Variants in SLC4A4 observed in about 807,000 individuals in gnomAD.
SLC4A4 encodes the protein solute carrier family 4 member 4.
SLC4A4 carries 27 observed loss-of-function variants against 111.5 expected under a neutral mutation model. The observed-to-expected ratio is 0.24, with a 90% CI of 0.18 to 0.33. SLC4A4 has a LOEUF of 0.33. Among genes scored for constraint, SLC4A4 ranks in the 10% least tolerant of loss-of-function variants. The pLI, the probability that SLC4A4 is intolerant of heterozygous loss-of-function variation, is 1.00. For missense variants in SLC4A4, 909 were observed against 1,315.5 expected (o/e 0.69, Z 4.78); for synonymous variants, 443 against 463.4 (o/e 0.96, Z 0.57).
intron 1 of SLC4A4, among the ~76,000 whole-genome samples, chr4:71,089,570 G>A (rs1048222593): frequency 6.6e-6 from 1 of 152,006 alleles, no homozygotes; most frequent in African/African-American, 2.4e-5. Flanking sequence ...TACAGATGGT[G>A]TTTTGGCGTG....
chr4:71,183,814 A>C (rs968506327), upstream of SLC4A4, among the ~76,000 whole-genome samples: 1 of 152,168 alleles, frequency 6.6e-6, no homozygotes, highest in African/African-American at 2.4e-5. Flanking sequence ...TGAACCACCT[A>C]TTTAAAAAGG....
intron 4 of SLC4A4, among the ~76,000 whole-genome samples, chr4:71,344,971 T>C (rs1346628942): frequency 6.6e-6 from 1 of 152,138 alleles, no homozygotes; most frequent in Non-Finnish European, 1.5e-5. Context: ...ACAGTAGTTA[T>C]ACTATGAACA....
chr4:71,497,759 A>C, intron 16 of SLC4A4, 67 bp downstream of exon 16: 1 of 1,296,564 alleles, frequency 7.7e-7, no homozygotes, highest in Non-Finnish European at 1.1e-6. Context: ...ACAACTTTAC[A>C]AGGTGAAAAA....
chr4:71,274,248 T>G (rs1293777697), intron 3 of SLC4A4, among the ~76,000 whole-genome samples: 1 of 152,138 alleles, frequency 6.6e-6, no homozygotes, highest in African/African-American at 2.4e-5. Context: ...TCACAAAGGT[T>G]TTCACTGTCG....
At chr4:71,105,835 G>A (rs1742900983) in intron 2 of SLC4A4, among the ~76,000 whole-genome samples, 1 of 68,664 alleles carries the variant, frequency 1.5e-5, no homozygotes, top group East Asian at 5.0e-4. Context: ...GAAAACCTAG[G>A]CATTACCATT....
At chr4:71,410,092 G>C (rs1198293288) in intron 7 of SLC4A4, among the ~76,000 whole-genome samples, 1 of 152,216 alleles carries the variant, frequency 6.6e-6, no homozygotes, top group African/African-American at 2.4e-5. Context: ...GTTTGCTGCA[G>C]GGGTGGGGCC....
At position 71,487,136 on chromosome 4, in the gene SLC4A4, G is replaced by T. The variant is rs566714080; in HGVS notation, c.1974+118G>T. On this transcript the variant is annotated intron_variant, in intron 15 of 25. Transcript: ENST00000264485. ...CAGCAATTCTGGCATGAACACATAC[G>T]TAACAATTATTGACAGTGGAGGGAC... The T allele has an allele frequency of 6.1e-5, 37 of 611,510 alleles. No homozygotes were observed. In the South Asian group the frequency reaches 7.0e-4, roughly 12 times the overall value. The allele number at this position is 611,510 out of a possible 1,614,324, so 37.9% of individuals were successfully genotyped here. A position where few individuals can be genotyped will look rare whatever the true frequency, so the allele number is the denominator to read the frequency against.
intron 8 of SLC4A4, among the ~76,000 whole-genome samples, chr4:71,447,384 G>A (rs1725332500): frequency 6.6e-6 from 1 of 152,160 alleles, no homozygotes; most frequent in Non-Finnish European, 1.5e-5. Context: ...CACTTGAAGT[G>A]CACCTTTCCT....
intron 6 of SLC4A4, 53 bp from the exon 7 acceptor site, chr4:71,397,524 C>G (rs182826084): frequency 1.2e-5 from 17 of 1,452,584 alleles, no homozygotes; most frequent in African/African-American, 1.4e-5. Context: ...CCACCAAAGT[C>G]TTTGTGTTAT....
rs1872596 is a variant in SLC4A4 at position 71,181,546 on chromosome 4, G to T, written c.-1-55030G>T. On this transcript the variant is annotated intron_variant, in intron 2 of 26. Transcript: ENST00000649996. ...CCCAATGTTATTGTGTAAGAAGAATGATGTCATAAGGAATTTGTGAAGCCT... is the reference window on the plus strand; with the variant it reads ...CCCAATGTTATTGTGTAAGAAGAATTATGTCATAAGGAATTTGTGAAGCCT... 2.5e-3 allele frequency among the ~76,000 whole-genome samples: 379 copies of T among 152,210 alleles called. 3 individuals carry two copies. Among genetic ancestry groups the T allele is most frequent in the African/African-American group, 8.5e-3 (355 of 41,536 alleles).
At chr4:71,282,025 T>C (rs1270379118) in intron 3 of SLC4A4, among the ~76,000 whole-genome samples, 2 of 152,034 alleles carry the variant, frequency 1.3e-5, no homozygotes, top group Non-Finnish European at 2.9e-5. Flanking sequence ...CAGTTTTTGT[T>C]CATGCATACA....
At chr4:71,514,676 T>C (rs911431237) in intron 16 of SLC4A4, among the ~76,000 whole-genome samples, 1 of 152,198 alleles carries the variant, frequency 6.6e-6, no homozygotes, top group Non-Finnish European at 1.5e-5. Flanking sequence ...TCACTACTAA[T>C]GATGGATCTT....
intron 16 of SLC4A4, among the ~76,000 whole-genome samples, chr4:71,509,938 G>A (rs1000408415): frequency 6.6e-6 from 1 of 152,104 alleles, no homozygotes; most frequent in African/African-American, 2.4e-5. Flanking sequence ...GTGGCTTCTG[G>A]GTCCCAGGAC....
intron 12 of SLC4A4, among the ~76,000 whole-genome samples, chr4:71,460,134 T>C (rs1481322514): frequency 6.6e-6 from 1 of 152,108 alleles, no homozygotes; most frequent in Non-Finnish European, 1.5e-5. Flanking sequence ...ATTTATGATT[T>C]CTTTTGCTGT....
chr4:71,492,610 T>C (rs1166452061), intron 15 of SLC4A4, among the ~76,000 whole-genome samples: 1 of 152,002 alleles, frequency 6.6e-6, no homozygotes, highest in Non-Finnish European at 1.5e-5. Flanking sequence ...TCTTTAAAAC[T>C]GAATGAAGCA....
chr4:71,113,167 C>A (rs919358226), intron 2 of SLC4A4, among the ~76,000 whole-genome samples: 1 of 152,250 alleles, frequency 6.6e-6, no homozygotes, highest in South Asian at 2.1e-4. Context: ...CAGAGTTCCT[C>A]GTTTTTCAAT....
intron 1 of SLC4A4, among the ~76,000 whole-genome samples, chr4:71,224,812 T>A (rs1459567851): frequency 6.6e-6 from 1 of 152,192 alleles, no homozygotes; most frequent in Non-Finnish European, 1.5e-5. Flanking sequence ...TAGTTAATTA[T>A]GAAAGAGTAT....
At chr4:71,311,931 G>GAGAGAGAGAGAGAGAGAGAGAGAGAGAA (rs1726223185) in intron 3 of SLC4A4, among the ~76,000 whole-genome samples, 1 of 148,478 alleles carries the variant, frequency 6.7e-6, no homozygotes, top group Non-Finnish European at 1.5e-5. Flanking sequence ...GAGAGAGAGA[G>GAGAGAGAGAGAGAGAGAGAGAGAGAGAA]AGAAGGAGAT....
intron 14 of SLC4A4, among the ~76,000 whole-genome samples, chr4:71,477,842 G>T (rs188570750): frequency 2.0e-4 from 30 of 151,536 alleles, no homozygotes; most frequent in African/African-American, 6.8e-4. Context: ...TTTAAGAATT[G>T]TGCAGAAAAT....
Sources: gnomAD v4.1 joint callset for allele counts (sites outside exome capture counted in the v4.1 genomes callset) on GRCh38, gnomAD v4.1.1 for gene constraint, MANE v1.5 for transcripts, NCBI Gene and HGNC (gene_info 2026-07-23, HGNC 2026-07-21) for gene names.